Variants in ANXA4 observed in about 807,000 individuals in gnomAD.
ANXA4 encodes the protein annexin A4, also known as 35-beta calcimedin.
A neutral mutation model predicts 49.8 loss-of-function variants in ANXA4; 39 were observed. The ratio of observed to expected loss-of-function variants is 0.78; its 90% confidence interval spans 0.61 to 1.02. The LOEUF is 1.02. Among genes scored for constraint, ANXA4 ranks in the 50% least tolerant of loss-of-function variants. The pLI is 0.00. For missense variants in ANXA4, 360 were observed against 410.1 expected (o/e 0.88, Z 1.05); for synonymous variants, 134 against 152.5 (o/e 0.88, Z 0.89).
At chr2:69,689,647 A>C (rs987930463) in intron 2 of ANXA4, among the ~76,000 whole-genome samples, 1 of 152,230 alleles carries the variant, frequency 6.6e-6, no homozygotes. Flanking sequence ...AATGAAAATC[A>C]AATTAAAGTC....
At chr2:69,684,706 GAA>G (rs1416169113) in intron 2 of ANXA4, among the ~76,000 whole-genome samples, 3 of 148,574 alleles carry the variant, frequency 2.0e-5, no homozygotes, top group African/African-American at 5.0e-5. Context: ...AAAAAAGAAA[GAA>G]AGAGAAAAAA....
At chr2:69,680,718 G>T (rs1388728234) in intron 2 of ANXA4, among the ~76,000 whole-genome samples, 1 of 152,160 alleles carries the variant, frequency 6.6e-6, no homozygotes, top group Non-Finnish European at 1.5e-5. Flanking sequence ...ATGAAGGTAT[G>T]TTGAATTTTA....
intron 5 of ANXA4, 49 bp downstream of exon 5, chr2:69,806,547 A>T: frequency 6.8e-7 from 1 of 1,472,548 alleles, no homozygotes; most frequent in Non-Finnish European, 9.5e-7. Flanking sequence ...GCAAACGCTG[A>T]TGTGCTTTCT....
intron 2 of ANXA4, among the ~76,000 whole-genome samples, chr2:69,715,905 A>C (rs1183499075): frequency 6.6e-6 from 1 of 152,174 alleles, no homozygotes; most frequent in Non-Finnish European, 1.5e-5. Context: ...TTCCTAGGTC[A>C]AGAAAGAGAG....
chr2:69,737,905 C>T (rs1308249750), upstream of ANXA4, among the ~76,000 whole-genome samples: 2 of 152,006 alleles, frequency 1.3e-5, no homozygotes, highest in Non-Finnish European at 2.9e-5. Flanking sequence ...GATCCTTCCC[C>T]TACATTGTGA....
At chr2:69,788,640 A>G (rs1672522138) in intron 3 of ANXA4, among the ~76,000 whole-genome samples, 1 of 151,992 alleles carries the variant, frequency 6.6e-6, no homozygotes, top group African/African-American at 2.4e-5. Context: ...GATCGAGACC[A>G]TCCTGGCTAA....
intron 3 of ANXA4, among the ~76,000 whole-genome samples, chr2:69,804,113 G>C (rs918898855): frequency 6.9e-6 from 1 of 145,690 alleles, no homozygotes; most frequent in African/African-American, 2.6e-5. Context: ...ACTCCAGCCT[G>C]GGTGACAGAG....
intron 1 of ANXA4, among the ~76,000 whole-genome samples, chr2:69,746,826 TGA>T (rs950180135): frequency 1.8e-4 from 2 of 11,020 alleles, no homozygotes; most frequent in African/African-American, 5.2e-4. Flanking sequence ...AACAAACAAA[TGA>T]AAAAAAAAAA....
intron 1 of ANXA4, among the ~76,000 whole-genome samples, chr2:69,764,502 T>C (rs1212854718): frequency 6.6e-6 from 1 of 152,212 alleles, no homozygotes; most frequent in Non-Finnish European, 1.5e-5. Context: ...CGTTGCTAAG[T>C]GATGGATAAC....
intron 2 of ANXA4, among the ~76,000 whole-genome samples, chr2:69,666,241 C>A (rs1192412670): frequency 6.6e-6 from 1 of 152,116 alleles, no homozygotes; most frequent in Non-Finnish European, 1.5e-5. Context: ...TGAAAAGGTG[C>A]TAAACATCAT....
chr2:69,735,692 A>G (rs956589999), intron 3 of ANXA4, among the ~76,000 whole-genome samples: 3 of 152,070 alleles, frequency 2.0e-5, no homozygotes, highest in Admixed American at 2.0e-4. Context: ...CTAAAACCCA[A>G]TTTTACCTGG....
chr2:69,745,227 G>T (rs2105476363), intron 1 of ANXA4, among the ~76,000 whole-genome samples: 1 of 152,356 alleles, frequency 6.6e-6, no homozygotes, highest in Admixed American at 6.5e-5. Context: ...GTTTGGCAGA[G>T]CTGGGTGGTG....
intron 1 of ANXA4, among the ~76,000 whole-genome samples, chr2:69,652,514 A>G (rs1482415013): frequency 2.0e-5 from 3 of 152,166 alleles, no homozygotes; most frequent in African/African-American, 7.2e-5. Context: ...TTAGAACTTA[A>G]GACTTTTCAT....
chr2:69,785,583 T>G (rs1672381457), intron 2 of ANXA4, among the ~76,000 whole-genome samples: 3 of 112,118 alleles, frequency 2.7e-5, no homozygotes, highest in Admixed American at 2.1e-4. Flanking sequence ...TGATGATGTT[T>G]CTGAGTTTTT....
intron 2 of ANXA4, among the ~76,000 whole-genome samples, chr2:69,656,870 C>T (rs146198966): frequency 1.3e-3 from 201 of 152,118 alleles, no homozygotes; most frequent in African/African-American, 4.6e-3. Context: ...GCTGGTGTAA[C>T]AGGAGGGCAG....
chr2:69,799,351 G>T (rs1673087833), intron 3 of ANXA4, among the ~76,000 whole-genome samples: 1 of 152,092 alleles, frequency 6.6e-6, no homozygotes, highest in Non-Finnish European at 1.5e-5. Context: ...TTTTACTGGG[G>T]CCCATTGTAT....
At chr2:69,719,532 C>T (rs563447203) in intron 2 of ANXA4, among the ~76,000 whole-genome samples, 9 of 151,556 alleles carry the variant, frequency 5.9e-5, no homozygotes, top group South Asian at 4.2e-4. Context: ...CTCTGCCTCC[C>T]GGGTTTGAGT....
upstream of ANXA4, among the ~76,000 whole-genome samples, chr2:69,740,680 C>CTTTTTTTTTTTTTTTTTTTTTTTT (rs3077548): frequency 7.9e-5 from 6 of 75,780 alleles, no homozygotes; most frequent in African/African-American, 2.8e-4. Context: ...CTTTCTTCCT[C>CTTTTTTTTTTTTTTTTTTTTTTTT]TTTTTTTTTT....
rs967672429 is a variant in ANXA4, at chr2:69,664,308, C to G, written n.766+11026C>G. ...TTTCAGAAGGTGAAAGCTTTTCCAC[C>G]AAAATAAGGACATAAATCAAGAAAG... On this transcript the variant is annotated intron_variant and non_coding_transcript_variant, in intron 2 of 3. Coordinates refer to the ANXA4 transcript ENST00000418066. Among the ~76,000 whole-genome samples, 6 of 152,116 alleles carry G rather than the reference C, an allele frequency of 3.9e-5. No individual in the cohort carries two copies. The East Asian group carries it at 9.7e-4, about 25-fold the overall frequency.
Sources: allele counts gnomAD v4.1 joint callset (sites outside exome capture counted in the v4.1 genomes callset), GRCh38; gene constraint gnomAD v4.1.1; transcripts MANE v1.5; gene names NCBI Gene and HGNC (gene_info 2026-07-23, HGNC 2026-07-21).